Variants in NFKB1 observed in about 807,000 individuals in gnomAD.
NFKB1 encodes nuclear factor kappa B subunit 1.
A neutral mutation model predicts 105.1 loss-of-function variants in NFKB1; 9 were observed. The ratio of observed to expected loss-of-function variants is 0.09; its 90% CI spans 0.05 to 0.15. The LOEUF (loss-of-function observed/expected upper bound fraction) is 0.15. NFKB1 is among the 10% of genes least tolerant of loss of function. The pLI, the probability that NFKB1 is intolerant of heterozygous loss-of-function variation, is 1.00. For synonymous variants in NFKB1, 440 were observed against 442.2 expected (o/e 1.00, Z 0.06); for missense variants, 830 against 1,203.7 (o/e 0.69, Z 4.59).
chr4:102,591,300 C>G (rs1726147551), intron 11 of NFKB1, among the ~76,000 whole-genome samples: 1 of 151,438 alleles, frequency 6.6e-6, no homozygotes, highest in Non-Finnish European at 1.5e-5. Context: ...CTTTTAAAAA[C>G]AGGCTGACTC....
chr4:102,559,025 A>G (rs1263476875), intron 5 of NFKB1, among the ~76,000 whole-genome samples: 1 of 152,190 alleles, frequency 6.6e-6, no homozygotes, highest in Non-Finnish European at 1.5e-5. Flanking sequence ...AAAGCAGGTA[A>G]GAAATATACA....
chr4:102,592,783 C>T (rs1445107217), intron 11 of NFKB1, among the ~76,000 whole-genome samples: 1 of 149,962 alleles, frequency 6.7e-6, no homozygotes, highest in Non-Finnish European at 1.5e-5. Flanking sequence ...CTGTGTACAT[C>T]TTCTTTTTCC....
intron 1 of NFKB1, among the ~76,000 whole-genome samples, chr4:102,512,846 A>G (rs1398222914): frequency 3.3e-5 from 5 of 152,254 alleles, no homozygotes; most frequent in Admixed American, 1.3e-4. Flanking sequence ...GCTGGTTCAC[A>G]TAATGACTCT....
intron 1 of NFKB1, among the ~76,000 whole-genome samples, chr4:102,508,978 T>G (rs1739604784): frequency 6.6e-6 from 1 of 152,180 alleles, no homozygotes; most frequent in Admixed American, 6.5e-5. Flanking sequence ...GTAAGAGAGA[T>G]TGCCCTTGGA....
intron 10 of NFKB1, among the ~76,000 whole-genome samples, chr4:102,584,292 C>G (rs1167921035): frequency 6.6e-6 from 1 of 152,176 alleles, no homozygotes; most frequent in African/African-American, 2.4e-5. Flanking sequence ...AGCCATCTCT[C>G]TCTTTCCATA....
intron 6 of NFKB1, among the ~76,000 whole-genome samples, chr4:102,569,568 T>G (rs1724150807): frequency 6.6e-6 from 1 of 152,120 alleles, no homozygotes; most frequent in Non-Finnish European, 1.5e-5. Flanking sequence ...TAAGATAACT[T>G]GTTTTCAATA....
rs758657289 is a variant in NFKB1 at position 102,537,994 on chromosome 4, G to A, written c.258+38G>A. The A allele has an allele frequency of 3.0e-6, 4 of 1,316,752 alleles. No homozygotes were observed. In the Admixed American group the frequency reaches 6.8e-5, roughly 22 times the overall value. The allele number at this position is 1,316,752 out of a possible 1,614,324, so 81.6% of individuals were successfully genotyped here. Reference sequence around the variant, plus strand: ...TAGCTCTCCTTCTATTTGAATTCTGGAAATTTTGATTTCCTACGATTTCCA... The same window carrying A: ...TAGCTCTCCTTCTATTTGAATTCTGAAAATTTTGATTTCCTACGATTTCCA... On this transcript the variant is annotated intron_variant, in intron 5 of 23. Coordinates refer to ENST00000226574, the MANE Select transcript of NFKB1 (RefSeq NM_003998.4).
chr4:102,524,826 T>G (rs1273864179), intron 1 of NFKB1, among the ~76,000 whole-genome samples: 1 of 152,094 alleles, frequency 6.6e-6, no homozygotes, highest in Non-Finnish European at 1.5e-5. Flanking sequence ...CCTATGAGAA[T>G]CTAATGCCAC....
intron 3 of NFKB1, among the ~76,000 whole-genome samples, chr4:102,532,659 C>A (rs1197975355): frequency 6.6e-6 from 1 of 151,906 alleles, no homozygotes; most frequent in Non-Finnish European, 1.5e-5. Flanking sequence ...TGAGAAAATT[C>A]TCTTTTGTGT....
chr4:102,555,398 G>A (rs1053119963), intron 5 of NFKB1, among the ~76,000 whole-genome samples: 9 of 152,154 alleles, frequency 5.9e-5, no homozygotes, highest in African/African-American at 2.2e-4. Flanking sequence ...AAATTAAATA[G>A]TGCCTTTGTC....
At chr4:102,600,714 C>T (rs1481674816) in intron 15 of NFKB1, among the ~76,000 whole-genome samples, 181 bp from the exon 16 acceptor site, 2 of 152,190 alleles carry the variant, frequency 1.3e-5, no homozygotes, top group Non-Finnish European at 2.9e-5. Flanking sequence ...TGGGAGGGAC[C>T]AGTCCTCTGG....
chr4:102,607,946 C>T (rs1247025160), intron 19 of NFKB1, among the ~76,000 whole-genome samples, 195 bp downstream of exon 19: 1 of 152,148 alleles, frequency 6.6e-6, no homozygotes, highest in Non-Finnish European at 1.5e-5. Flanking sequence ...GGGCTTTACC[C>T]TGATAGTCAT....
At chr4:102,609,119 C>A (rs1027325773) in intron 19 of NFKB1, among the ~76,000 whole-genome samples, 2 of 115,824 alleles carry the variant, frequency 1.7e-5, no homozygotes, top group African/African-American at 6.0e-5. Flanking sequence ...CACCACTGCA[C>A]TCCAGCCTGA....
intron 1 of NFKB1, among the ~76,000 whole-genome samples, chr4:102,511,204 G>C (rs1739759670): frequency 6.6e-6 from 1 of 152,192 alleles, no homozygotes; most frequent in African/African-American, 2.4e-5. Context: ...ATTGTGAAAT[G>C]ATTAAATCAA....
chr4:102,522,934 ATTC>A (rs1740661851), intron 1 of NFKB1, among the ~76,000 whole-genome samples: 1 of 152,210 alleles, frequency 6.6e-6, no homozygotes. Flanking sequence ...TATGCTAATG[ATTC>A]TTTACTATAG....
intron 22 of NFKB1, 59 bp from the exon 23 acceptor site, chr4:102,613,366 A>G (rs1728616308): frequency 6.4e-7 from 1 of 1,573,174 alleles, no homozygotes; most frequent in Non-Finnish European, 8.7e-7. Context: ...GTCAGTGCTT[A>G]CAGCCTGCAC....
chr4:102,532,599 G>A (rs1399427361), intron 3 of NFKB1, among the ~76,000 whole-genome samples: 3 of 152,102 alleles, frequency 2.0e-5, no homozygotes, highest in Non-Finnish European at 4.4e-5. Flanking sequence ...TGGCACTCCA[G>A]CCTGGGTGAC....
chr4:102,613,975 G>A (rs775530602), intron 23 of NFKB1, among the ~76,000 whole-genome samples: 4 of 152,098 alleles, frequency 2.6e-5, no homozygotes, highest in African/African-American at 4.8e-5. Flanking sequence ...ATGGGACTAC[G>A]TGTCATGCCA....
chr4:102,586,034 A>G (rs1725684771), intron 11 of NFKB1, among the ~76,000 whole-genome samples: 1 of 152,190 alleles, frequency 6.6e-6, no homozygotes, highest in East Asian at 1.9e-4. Flanking sequence ...GGGCCTGCCT[A>G]GGTTTGGAAT....
Sources: allele counts gnomAD v4.1 joint callset (sites outside exome capture counted in the v4.1 genomes callset), GRCh38; gene constraint gnomAD v4.1.1; transcripts MANE v1.5; gene names NCBI Gene and HGNC (gene_info 2026-07-23, HGNC 2026-07-21).